The following DCAF6 variants were observed in gnomAD, a reference collection of about 807,000 sequenced individuals.
The protein encoded by DCAF6 is DDB1 and CUL4 associated factor 6.
A neutral mutation model predicts 125.1 loss-of-function variants in DCAF6; 54 were observed. That is an observed-to-expected ratio of 0.43 (90% CI 0.35 to 0.54). DCAF6 has a LOEUF of 0.54. Ranked by LOEUF, DCAF6 falls within the 20% of genes least tolerant of loss-of-function variation. The probability of loss-of-function intolerance (pLI) is 0.01; values close to 1 mark genes in which losing one functional copy is unlikely to be tolerated. For synonymous variants in DCAF6, 371 were observed against 390.4 expected (o/e 0.95, Z 0.58); for missense variants, 934 against 1,161.7 (o/e 0.80, Z 2.85).
chr1:167,870,246 A>T, the DCAF6 span: 1 of 1,613,994 alleles, frequency 6.2e-7, no homozygotes, highest in Non-Finnish European at 8.5e-7. Flanking sequence ...CAATCATTCC[A>T]AGACACTCAC....
At chr1:167,897,112 T>A in the DCAF6 span, among the ~76,000 whole-genome samples, 6 of 151,272 alleles carry the variant, frequency 4.0e-5, no homozygotes, top group Non-Finnish European at 7.4e-5. Flanking sequence ...GACATCAAGA[T>A]CATGAGACAC....
At chr1:167,915,445 A>G in the DCAF6 span, among the ~76,000 whole-genome samples, 1 of 152,138 alleles carries the variant, frequency 6.6e-6, no homozygotes, top group African/African-American at 2.4e-5. Flanking sequence ...TTCTGGGTCT[A>G]CCTTCAATTA....
rs774170552 is a variant in DCAF6, at chr1:168,063,665, A to G, written c.2345A>G (p.Lys782Arg). 1.2e-6 allele frequency: 2 copies of G among 1,604,576 alleles called. No individual in the cohort carries two copies. Among genetic ancestry groups the G allele is most frequent in the Non-Finnish European group, 1.7e-6 (2 of 1,176,226 alleles). Reference protein sequence around the residue: ...ARIQEFFRRRKERKEMEELDT... With the variant: ...ARIQEFFRRRRERKEMEELDT... ...ATTCAGGAGTTCTTCAGACGGAGAAAAGAAAGGAAAGAAATGGAAGAATTG... is the reference window on the plus strand; with the variant it reads ...ATTCAGGAGTTCTTCAGACGGAGAAGAGAAAGGAAAGAAATGGAAGAATTG... The change falls in exon 18 of 22, where the codon AAA (lysine) becomes AGA (arginine). Residue 782 changes from lysine to arginine, a missense_variant. Around this residue, in one of 5 missense-constraint regions of DCAF6, gnomAD observed 559 missense variants for 635.5 expected, o/e 0.88. Coordinates refer to ENST00000367840, the MANE Select transcript of DCAF6 (RefSeq NM_001198956.2).
chr1:167,951,706 A>G, intron 1 of DCAF6, 94 bp from the exon 2 acceptor site: 1 of 777,724 alleles, frequency 1.3e-6, no homozygotes. Context: ...GCATGAATTT[A>G]CTTTTCATGC....
chr1:168,050,951 T>C lies in DCAF6; in HGVS notation c.2300+18T>C. The C allele has an allele frequency of 7.5e-7, 1 of 1,336,166 alleles. No individual in the cohort carries two copies. The highest frequency in any genetic ancestry group is 9.9e-7 in the Non-Finnish European group (1 of 1,012,532). The allele number at this position is 1,336,166 out of a possible 1,614,324, so 82.8% of individuals were successfully genotyped here. On this transcript the variant is annotated intron_variant, in intron 17 of 21. Coordinates refer to ENST00000367840, the MANE Select transcript of DCAF6 (RefSeq NM_001198956.2). ...ATAATGAGGTAATTCAGTATGTTCC[T>C]TCATAATTTTTTTTTTATGATGGAT...
chr1:167,975,654 T>C (rs1048788747), intron 4 of DCAF6, among the ~76,000 whole-genome samples: 5 of 152,172 alleles, frequency 3.3e-5, no homozygotes, highest in South Asian at 2.1e-4. Context: ...CAAGCAGTCT[T>C]CTCACCTCAG....
intron 1 of DCAF6, among the ~76,000 whole-genome samples, chr1:167,950,470 A>G (rs915299168): frequency 1.3e-5 from 2 of 152,150 alleles, no homozygotes; most frequent in African/African-American, 4.8e-5. Context: ...TCCCTCCCCA[A>G]AATAAAAGCC....
intron 16 of DCAF6, among the ~76,000 whole-genome samples, chr1:168,047,265 T>C (rs1236376597): frequency 1.3e-5 from 2 of 152,108 alleles, no homozygotes; most frequent in Non-Finnish European, 2.9e-5. Context: ...GTCACAAAGT[T>C]GGTTCCCAAT....
At chr1:167,955,576 A>G (rs1344581660) in intron 2 of DCAF6, among the ~76,000 whole-genome samples, 1 of 151,780 alleles carries the variant, frequency 6.6e-6, no homozygotes, top group Admixed American at 6.6e-5. Context: ...TCATTCAAGT[A>G]GCTTTTTTTT....
chr1:168,073,058 C>T (rs1275817109), intron 21 of DCAF6, among the ~76,000 whole-genome samples: 1 of 152,136 alleles, frequency 6.6e-6, no homozygotes, highest in Non-Finnish European at 1.5e-5. Context: ...CTCCTGTAGT[C>T]CCAGCTACTC....
At chr1:168,057,233 T>C (rs2101908619) in intron 17 of DCAF6, among the ~76,000 whole-genome samples, 1 of 152,316 alleles carries the variant, frequency 6.6e-6, no homozygotes, top group East Asian at 1.9e-4. Flanking sequence ...TGCAAATTAA[T>C]TCATATTTTT....
chr1:167,940,332 T>C (rs1571563452), intron 1 of DCAF6, among the ~76,000 whole-genome samples: 1 of 152,190 alleles, frequency 6.6e-6, no homozygotes, highest in African/African-American at 2.4e-5. Flanking sequence ...TTTTAATCTT[T>C]GTGAGCCCTA....
chr1:167,996,892 A>G (rs1390406895), intron 7 of DCAF6, among the ~76,000 whole-genome samples: 2 of 152,144 alleles, frequency 1.3e-5, no homozygotes, highest in Admixed American at 1.3e-4. Flanking sequence ...CTACTTCACC[A>G]TCCTATTTAA....
intron 10 of DCAF6, 124 bp downstream of exon 10, chr1:168,004,917 T>A (rs1683139615): frequency 1.8e-6 from 2 of 1,100,934 alleles, no homozygotes; most frequent in Non-Finnish European, 1.3e-6. Context: ...AAATGACATG[T>A]AATATATGGT....
chr1:167,977,339 C>T (rs1678408538), intron 4 of DCAF6, among the ~76,000 whole-genome samples: 1 of 149,984 alleles, frequency 6.7e-6, no homozygotes, highest in African/African-American at 2.5e-5. Flanking sequence ...TTTTTAAATG[C>T]CAGTTCTTCA....
the DCAF6 span, among the ~76,000 whole-genome samples, chr1:167,910,832 T>C: frequency 1.3e-5 from 2 of 152,216 alleles, no homozygotes; most frequent in African/African-American, 4.8e-5. Flanking sequence ...CAACTTTGAC[T>C]TCTTTAGCTA....
At chr1:167,945,452 A>C (rs541154421) in intron 1 of DCAF6, among the ~76,000 whole-genome samples, 53 of 151,914 alleles carry the variant, frequency 3.5e-4, no homozygotes, top group Non-Finnish European at 6.5e-4. Flanking sequence ...ATATATTCCT[A>C]GTTTGTGTGT....
At position 167,993,436 on chromosome 1, in the gene DCAF6, A is replaced by C. The variant is rs1251445623; in HGVS notation, c.899A>C (p.Glu300Ala). The change falls in exon 7 of 22, where the codon GAA becomes GCA. Residue 300 changes from glutamate (E) to alanine (A), a missense_variant. This residue lies in a region of DCAF6 where 309 missense variants were observed against 381.2 expected (regional missense o/e 0.81). Coordinates refer to ENST00000367840, the MANE Select transcript of DCAF6 (RefSeq NM_001198956.2). ...LKTPSAEERREELRQPPVKRL... is the reference protein window; with the variant it reads ...LKTPSAEERRAELRQPPVKRL... The stretch of plus-strand genomic sequence containing the variant: ...ACTCCTTCTGCGGAAGAGAGAAGAG[A>C]AGAGGTAGGTTTACTCAAAACCATG... 4.3e-6 allele frequency: 7 copies of C among 1,613,632 alleles called. No homozygotes were observed. The East Asian group carries it at 1.3e-4, about 31-fold the overall frequency.
the DCAF6 span, chr1:167,899,476 A>G: frequency 1.9e-6 from 3 of 1,614,130 alleles, no homozygotes; most frequent in Non-Finnish European, 2.5e-6. Flanking sequence ...CTCCGGTCAC[A>G]GAGCTGCCAG....
Sources: allele counts gnomAD v4.1 joint callset (sites outside exome capture counted in the v4.1 genomes callset), GRCh38; gene constraint gnomAD v4.1.1; regional missense constraint gnomAD v4.1.1; transcripts MANE v1.5; gene names NCBI Gene and HGNC (gene_info 2026-07-23, HGNC 2026-07-21).